SMYD3: variants seen among roughly 807,000 people sequenced by gnomAD.
SMYD3 encodes the protein SET and MYND domain containing 3, also known as histone-lysine N-methyltransferase SMYD3.
Under a neutral mutation model 57.7 loss-of-function variants are expected in SMYD3, and 36 were observed. The observed-to-expected ratio is 0.62, with a 90% CI of 0.48 to 0.82. The LOEUF (loss-of-function observed/expected upper bound fraction) is 0.82, where lower values mean the gene tolerates loss of function less well. Among genes scored for constraint, SMYD3 ranks in the 40% least tolerant of loss-of-function variants. The probability of loss-of-function intolerance (pLI) is 0.00; values close to 1 mark genes in which losing one functional copy is unlikely to be tolerated. For synonymous variants in SMYD3, 211 were observed against 195.0 expected, an observed-to-expected ratio of 1.08 and a Z score of -0.68; for missense variants, 515 against 538.8, an observed-to-expected ratio of 0.96 and a Z score of 0.44.
intron 10 of SMYD3, among the ~76,000 whole-genome samples, chr1:245,849,394 T>A (rs2050835672): frequency 1.3e-5 from 2 of 152,146 alleles, no homozygotes; most frequent in Non-Finnish European, 2.9e-5. Context: ...AGATAAAGGT[T>A]TGAAGACCTC....
At chr1:246,396,948 A>G (rs1321957246) in intron 1 of SMYD3, among the ~76,000 whole-genome samples, 2 of 152,272 alleles carry the variant, frequency 1.3e-5, no homozygotes, top group African/African-American at 4.8e-5. Context: ...GCTTAACCAC[A>G]GCAACAATAT....
At position 246,373,854 on chromosome 1, in the gene SMYD3, T is replaced by C. The variant is rs377312184; in HGVS notation, c.165-18760A>G. Among the ~76,000 whole-genome samples, 78 of 152,348 alleles carry C rather than the reference T, an allele frequency of 5.1e-4. 1 individual carries two copies. The East Asian group carries it at 0.011, about 21-fold the overall frequency. On this transcript the variant is annotated intron_variant, in intron 1 of 11. Coordinates refer to ENST00000490107, the MANE Select transcript of SMYD3 (RefSeq NM_001167740.2). The stretch of plus-strand genomic sequence containing the variant: ...TCAAAACATTACTTGTTTGAAAATA[T>C]AGACATGGAGAAATCTTTAACAAGC...
intron 5 of SMYD3, among the ~76,000 whole-genome samples, chr1:246,277,193 T>C (rs2064350460): frequency 6.6e-6 from 1 of 151,930 alleles, no homozygotes; most frequent in African/African-American, 2.4e-5. Context: ...GGCAACCTTG[T>C]TTCAAAAAAA....
intron 5 of SMYD3, among the ~76,000 whole-genome samples, chr1:246,285,632 G>C (rs1039815011): frequency 1.3e-5 from 2 of 152,046 alleles, no homozygotes; most frequent in African/African-American, 4.8e-5. Flanking sequence ...CAAAAACAAA[G>C]ATAAATAGAT....
chr1:245,762,305 C>T (rs889126531), intron 11 of SMYD3, among the ~76,000 whole-genome samples: 2 of 152,114 alleles, frequency 1.3e-5, no homozygotes, highest in African/African-American at 2.4e-5. Flanking sequence ...CACGTACGTA[C>T]GAGCAGTATT....
intron 1 of SMYD3, among the ~76,000 whole-genome samples, chr1:246,431,713 C>T (rs911263996): frequency 6.6e-6 from 1 of 152,184 alleles, no homozygotes; most frequent in African/African-American, 2.4e-5. Flanking sequence ...GCCTGGGCAA[C>T]ACAGTGAGAT....
At chr1:246,258,325 A>G (rs910401522) in intron 5 of SMYD3, among the ~76,000 whole-genome samples, 1 of 152,122 alleles carries the variant, frequency 6.6e-6, no homozygotes, top group South Asian at 2.1e-4. Context: ...GTGAGCCACC[A>G]TGCCTGGCCT....
chr1:246,261,563 G>C (rs1473706410), intron 5 of SMYD3, among the ~76,000 whole-genome samples: 1 of 151,802 alleles, frequency 6.6e-6, no homozygotes, highest in African/African-American at 2.4e-5. Flanking sequence ...TAAAATAATT[G>C]GTGTAGAAGT....
rs1467830159 is a variant in SMYD3, at chr1:246,071,867, T to C, written c.532-141930A>G. Among the ~76,000 whole-genome samples the C allele has an allele frequency of 1.1e-3, 148 of 137,238 alleles. 5 individuals are homozygous for C. Among genetic ancestry groups the C allele is most frequent in the East Asian group, 0.01 (48 of 4,766 alleles). The allele number at this position is 137,238 out of a possible 152,430, so 90.0% of individuals were successfully genotyped here. On this transcript the variant is annotated intron_variant, in intron 5 of 11. Coordinates refer to ENST00000490107, the MANE Select transcript of SMYD3 (RefSeq NM_001167740.2). Reference sequence around the variant, plus strand: ...AGTTCTGGGGAGGGATTCGTGTGCTTTCCGCTGTGCTCACTGTCGCTGCAT... The same window carrying C: ...AGTTCTGGGGAGGGATTCGTGTGCTCTCCGCTGTGCTCACTGTCGCTGCAT...
At chr1:246,485,795 A>C (rs1316677985) in intron 1 of SMYD3, among the ~76,000 whole-genome samples, 1 of 152,194 alleles carries the variant, frequency 6.6e-6, no homozygotes, top group East Asian at 1.9e-4. Context: ...GTCTCAAAAT[A>C]ATAATAAAAA....
intron 5 of SMYD3, among the ~76,000 whole-genome samples, chr1:246,295,848 A>G (rs993455419): frequency 1.3e-5 from 2 of 152,212 alleles, no homozygotes; most frequent in African/African-American, 4.8e-5. Flanking sequence ...GATGACAGGC[A>G]TGGGACAAGA....
At chr1:246,433,984 T>G (rs532192795) in intron 1 of SMYD3, among the ~76,000 whole-genome samples, 3 of 152,322 alleles carry the variant, frequency 2.0e-5, no homozygotes, top group South Asian at 2.1e-4. Flanking sequence ...CACAGGCATC[T>G]GATCTTTAAC....
chr1:245,826,855 AACTC>A (rs1458746426), intron 10 of SMYD3, among the ~76,000 whole-genome samples: 2 of 151,486 alleles, frequency 1.3e-5, no homozygotes, highest in African/African-American at 4.8e-5. Flanking sequence ...ATCTCAAGAG[AACTC>A]ACTCACTATC....
chr1:246,356,092 C>A (rs769880574), intron 1 of SMYD3, among the ~76,000 whole-genome samples: 1 of 151,772 alleles, frequency 6.6e-6, no homozygotes, highest in Admixed American at 6.6e-5. Flanking sequence ...CCACTTCACG[C>A]CCCTGCTACC....
intron 1 of SMYD3, among the ~76,000 whole-genome samples, chr1:246,485,607 C>CG (rs1384154492): frequency 1.2e-4 from 4 of 34,162 alleles, no homozygotes; most frequent in African/African-American, 5.8e-4. Flanking sequence ...TACAGTGAGA[C>CG]CCCCCCCCAC....
At chr1:245,908,130 A>G (rs2054705741) in intron 8 of SMYD3, among the ~76,000 whole-genome samples, 1 of 151,616 alleles carries the variant, frequency 6.6e-6, no homozygotes, top group African/African-American at 2.4e-5. Flanking sequence ...GTGAGACTCC[A>G]TCTCAAAAAA....
chr1:245,972,828 C>A (rs1558547097), intron 5 of SMYD3, among the ~76,000 whole-genome samples: 1 of 152,276 alleles, frequency 6.6e-6, no homozygotes, highest in South Asian at 2.1e-4. Flanking sequence ...GTGGAGTCAC[C>A]CACCCACCTG....
At position 246,121,806 on chromosome 1, in the gene SMYD3, G is replaced by A. The variant is rs929536194; in HGVS notation, c.532-191869C>T. Among the ~76,000 whole-genome samples the A allele has an allele frequency of 1.1e-4, 16 of 152,230 alleles. No homozygotes were observed. The South Asian group carries it at 1.2e-3, about 12-fold the overall frequency. On this transcript the variant is annotated intron_variant, in intron 5 of 11. Transcript: ENST00000490107. ...GTCATTATAGGGAAAAGAGTGCAGC[G>A]TTAATGACAGAAACCGGGCATATCA...
At chr1:245,867,788 C>A (rs1171975128) in intron 8 of SMYD3, among the ~76,000 whole-genome samples, 1 of 152,140 alleles carries the variant, frequency 6.6e-6, no homozygotes, top group Non-Finnish European at 1.5e-5. Flanking sequence ...GAAGGTCTCA[C>A]CAAAGTGATA....
Sources: allele counts gnomAD v4.1 joint callset (sites outside exome capture counted in the v4.1 genomes callset), GRCh38; gene constraint gnomAD v4.1.1; transcripts MANE v1.5; gene names NCBI Gene and HGNC (gene_info 2026-07-23, HGNC 2026-07-21).